SUPT16H: variants seen among roughly 807,000 people sequenced by gnomAD.
SUPT16H encodes SPT16 homolog, facilitates chromatin remodeling subunit, also known as FACT complex subunit SPT16.
A neutral mutation model predicts 136.2 loss-of-function variants in SUPT16H; 24 were observed. The observed-to-expected ratio is 0.18, with a 90% CI of 0.13 to 0.25. The LOEUF (loss-of-function observed/expected upper bound fraction) is 0.25, where lower values mean the gene tolerates loss of function less well. Among genes scored for constraint, SUPT16H ranks in the 10% least tolerant of loss-of-function variants. SUPT16H has a pLI of 1.00. For missense variants in SUPT16H, 623 were observed against 1,270.2 expected (o/e 0.49, Z 7.74); for synonymous variants, 415 against 428.2 (o/e 0.97, Z 0.38).
At chr14:21,352,878 G>T in intron 25 of SUPT16H, 60 bp from the exon 26 acceptor site, 2 of 1,607,464 alleles carry the variant, frequency 1.2e-6, no homozygotes, top group South Asian at 2.2e-5. Context: ...TAATATTACT[G>T]GATAGCATGA....
chr14:21,362,676 AAC>A, intron 14 of SUPT16H, 116 bp downstream of exon 14: 1 of 1,198,334 alleles, frequency 8.3e-7, no homozygotes, highest in Non-Finnish European at 1.2e-6. Context: ...TCAGTAACTG[AAC>A]AGAGTCTGAA....
rs773336274 is a variant in SUPT16H, at chr14:21,366,488, C to T, written c.997G>A (p.Val333Ile). 2 of 1,614,134 alleles carry T rather than the reference C, an allele frequency of 1.2e-6. No homozygotes were observed. Among genetic ancestry groups the T allele is most frequent in the Non-Finnish European group, 1.7e-6 (2 of 1,180,020 alleles). Reference sequence around the variant, plus strand: ...AGCAGTTCTGGCTTCTGCTTTTTAACCACGTCCATGACAGCGTTATACACG... The same window carrying T: ...AGCAGTTCTGGCTTCTGCTTTTTAATCACGTCCATGACAGCGTTATACACG... ...CDVYNAVMDV[V>I]KKQKPELLNK... The change falls in exon 8 of 26, where the codon GTT becomes ATT. Residue 333 changes from valine (V) to isoleucine (I), a missense_variant. Around this residue, in one of 7 missense-constraint regions of SUPT16H, gnomAD observed 343 missense variants for 525.7 expected, o/e 0.65. Transcript: ENST00000216297.
chr14:21,380,423 C>A (rs1458131711), intron 1 of SUPT16H, among the ~76,000 whole-genome samples: 2 of 150,740 alleles, frequency 1.3e-5, no homozygotes, highest in East Asian at 3.9e-4. Context: ...CAGGCATAAG[C>A]TACTATGTAT....
chr14:21,362,987 T>A, intron 13 of SUPT16H, 40 bp from the exon 14 acceptor site: 1 of 1,613,508 alleles, frequency 6.2e-7, no homozygotes, highest in Non-Finnish European at 8.5e-7. Flanking sequence ...ATTTCTGCAG[T>A]CCCACAGAAC....
intron 22 of SUPT16H, chr14:21,354,904 T>C (rs973958505): frequency 5.6e-6 from 1 of 180,080 alleles, no homozygotes; most frequent in African/African-American, 2.4e-5. Context: ...GGAGCAGATA[T>C]TCTTTGCACT....
At chr14:21,358,241 T>C in intron 20 of SUPT16H, 74 bp downstream of exon 20, 1 of 963,570 alleles carries the variant, frequency 1.0e-6, no homozygotes. Context: ...GTTAAATTAT[T>C]ATTAAAGGAA....
chr14:21,351,543 T>C lies in SUPT16H; in HGVS notation c.*1130A>G, dbSNP rs767524750. On this transcript the variant is annotated 3_prime_UTR_variant, in exon 26 of 26. Coordinates refer to ENST00000216297, the MANE Select transcript of SUPT16H (RefSeq NM_007192.4). Reference sequence around the variant, plus strand: ...TTTAGTTCTTCCAAAATTGAAAATATCAAGTCCTACTGCTAAGGAGAAAAA... The same window carrying C: ...TTTAGTTCTTCCAAAATTGAAAATACCAAGTCCTACTGCTAAGGAGAAAAA... The C allele has an allele frequency of 3.4e-5, 7 of 206,914 alleles. No individual in the cohort carries two copies. The highest frequency in any genetic ancestry group is 5.8e-5 in the Non-Finnish European group (6 of 103,192). 12.8% of individuals were successfully genotyped at this position (206,914 alleles called of 1,614,324 possible). A position where few individuals can be genotyped will look rare whatever the true frequency, so the allele number is the denominator to read the frequency against.
At chr14:21,378,597 G>T (rs1335866712) in intron 1 of SUPT16H, among the ~76,000 whole-genome samples, 1 of 152,110 alleles carries the variant, frequency 6.6e-6, no homozygotes, top group Non-Finnish European at 1.5e-5. Context: ...TCATATCAAT[G>T]TGTCAGGAGA....
intron 1 of SUPT16H, among the ~76,000 whole-genome samples, chr14:21,380,692 T>C (rs1712133956): frequency 2.0e-5 from 3 of 152,122 alleles, no homozygotes; most frequent in African/African-American, 7.2e-5. Context: ...ATTTTTGACA[T>C]TTTATGGAAT....
chr14:21,374,951 C>T (rs1886869629), intron 1 of SUPT16H, among the ~76,000 whole-genome samples: 2 of 152,140 alleles, frequency 1.3e-5, no homozygotes, highest in African/African-American at 4.8e-5. Flanking sequence ...AATTTTTCCA[C>T]GTTAACCAAC....
intron 15 of SUPT16H, among the ~76,000 whole-genome samples, chr14:21,361,542 C>T (rs1253050722): frequency 6.6e-6 from 1 of 151,978 alleles, no homozygotes; most frequent in African/African-American, 2.4e-5. Flanking sequence ...GTCTTGAACT[C>T]CTGGCCTCAT....
rs147995241 is a variant in SUPT16H, at chr14:21,362,836, G to T, written c.1623C>A (p.Pro541=). ...IDKKYETVIM[P]VFGIATPFHI... ...GAAACGGTGTTGCAATGCCAAACAC[G>T]GGCATTATTACAGTCTCATATTTCT... Residue 541 remains proline (P), a synonymous_variant, in exon 14 of 26, where the codon CCC becomes CCA. Transcript: ENST00000216297. 1 of 1,612,440 alleles carries T rather than the reference G, an allele frequency of 6.2e-7. No individual in the cohort carries two copies. The highest frequency in any genetic ancestry group is 8.5e-7 in the Non-Finnish European group (1 of 1,179,690).
chr14:21,352,694 G>A lies in SUPT16H; in HGVS notation c.3123C>T (p.Pro1041=). ...GAAGTTACTTCCTCTTTTTCTTGGG[G>A]GGTGCAGAGCTGTGTCTGGAACCAC... ...SNRGSRHSSA[P]PKKKRK is the part of the protein sequence containing the mutation. Residue 1041 remains proline (P), a synonymous_variant, in exon 26 of 26, where the codon CCC becomes CCT. Transcript: ENST00000216297. 6.2e-7 allele frequency: 1 copy of A among 1,614,102 alleles called. No homozygotes were observed. The highest frequency in any genetic ancestry group is 8.5e-7 in the Non-Finnish European group (1 of 1,180,018).
chr14:21,374,842 G>A (rs1166038746), intron 1 of SUPT16H, among the ~76,000 whole-genome samples: 3 of 152,156 alleles, frequency 2.0e-5, no homozygotes, highest in Non-Finnish European at 2.9e-5. Context: ...GAGATGAACT[G>A]CTGGGTCATA....
At chr14:21,360,036 CTTTTTTG>C (rs937468311) in intron 18 of SUPT16H, among the ~76,000 whole-genome samples, 5 of 152,022 alleles carry the variant, frequency 3.3e-5, no homozygotes, top group South Asian at 2.1e-4. Flanking sequence ...TTTTTCATCA[CTTTTTTG>C]TTTTTTGTTT....
intron 20 of SUPT16H, 150 bp downstream of exon 20, chr14:21,358,165 T>TA: frequency 3.7e-6 from 3 of 818,552 alleles, no homozygotes; most frequent in Admixed American, 2.9e-5. Context: ...CCTAAACCCT[T>TA]AAACATTTTC....
At chr14:21,369,508 A>G in intron 5 of SUPT16H, 153 bp from the exon 6 acceptor site, 1 of 1,071,560 alleles carries the variant, frequency 9.3e-7, no homozygotes, top group Non-Finnish European at 1.3e-6. Context: ...GGCAAAACAC[A>G]TTTGGAGAAC....
Position 21,358,299 on chromosome 14 carries a change from A to T in SUPT16H, c.2414+16T>A. 9 of 1,546,712 alleles carry T rather than the reference A, an allele frequency of 5.8e-6. No homozygotes were observed. The highest frequency in any genetic ancestry group is 7.9e-6 in the Non-Finnish European group (9 of 1,133,724). Reference sequence around the variant, plus strand: ...ACAGACCAGTCAAACTTCAAGCCAAAAATAAGATAGGTTACCCCAAGTCCC... The same window carrying T: ...ACAGACCAGTCAAACTTCAAGCCAATAATAAGATAGGTTACCCCAAGTCCC... On this transcript the variant is annotated intron_variant, in intron 20 of 25. Transcript: ENST00000216297.
At position 21,368,250 on chromosome 14, in the gene SUPT16H, C is replaced by T. The variant is rs770356089; in HGVS notation, c.955+19G>A. On this transcript the variant is annotated intron_variant, in intron 7 of 25. Transcript: ENST00000216297. ...TTTTGTTACACAACTTTCAAACCTC[C>T]TTTTCTAAGGCACCTCACCATGTCT... 1.9e-6 allele frequency: 3 copies of T among 1,599,768 alleles called. No homozygotes were observed. Among genetic ancestry groups the T allele is most frequent in the African/African-American group, 2.7e-5 (2 of 74,472 alleles).
Sources: gnomAD v4.1 joint callset for allele counts (sites outside exome capture counted in the v4.1 genomes callset) on GRCh38, gnomAD v4.1.1 for gene constraint, gnomAD v4.1.1 regional missense constraint, MANE v1.5 for transcripts, NCBI Gene and HGNC (gene_info 2026-07-23, HGNC 2026-07-21) for gene names.